The following GOLT1B variants were observed in gnomAD, a reference collection of about 807,000 sequenced individuals.
GOLT1B encodes vesicle transport protein GOT1B.
In GOLT1B, 3 loss-of-function variants were observed where a neutral mutation model predicts 15.4. That is an observed-to-expected ratio of 0.19 (90% CI 0.09 to 0.50). The LOEUF (loss-of-function observed/expected upper bound fraction) is 0.50, where lower values mean the gene tolerates loss of function less well. Ranked by LOEUF, GOLT1B falls within the 20% of genes least tolerant of loss-of-function variation. The pLI is 0.97. For missense variants in GOLT1B, 145 were observed against 160.4 expected (o/e 0.90, Z 0.52); for synonymous variants, 65 against 56.2 (o/e 1.16, Z -0.70).
chr12:21,511,715 C>T (rs1225071529), intron 3 of GOLT1B, among the ~76,000 whole-genome samples: 3 of 152,208 alleles, frequency 2.0e-5, no homozygotes, highest in Admixed American at 6.5e-5. Context: ...TTCACAGTAT[C>T]ACTACATATT....
chr12:21,504,695 A>G (rs1943667060), intron 1 of GOLT1B: 1 of 454,844 alleles, frequency 2.2e-6, no homozygotes, highest in Non-Finnish European at 4.4e-6. Flanking sequence ...GAACCATAGG[A>G]CCAGTGCTAC....
intron 4 of GOLT1B, 23 bp from the exon 5 acceptor site, chr12:21,515,644 TTC>T (rs758225228): frequency 2.5e-6 from 3 of 1,208,760 alleles, no homozygotes; most frequent in South Asian, 2.6e-5. Context: ...CTTTCTTTAA[TTC>T]TCTGTTTTTC....
chr12:21,514,914 A>G (rs1396334573), intron 4 of GOLT1B, among the ~76,000 whole-genome samples: 2 of 152,056 alleles, frequency 1.3e-5, no homozygotes, highest in African/African-American at 4.8e-5. Flanking sequence ...TTGATAGTAT[A>G]ACCACCTGGG....
At chr12:21,507,867 A>G in intron 2 of GOLT1B, 1 of 426,004 alleles carries the variant, frequency 2.3e-6, no homozygotes, top group Non-Finnish European at 4.6e-6. Context: ...TAGAATTTAT[A>G]AAACTAGAAT....
intron 4 of GOLT1B, among the ~76,000 whole-genome samples, chr12:21,512,594 T>G (rs374616136): frequency 6.6e-6 from 1 of 152,172 alleles, no homozygotes; most frequent in Non-Finnish European, 1.5e-5. Flanking sequence ...TGGATCCATA[T>G]TCTCTATTTT....
intron 1 of GOLT1B, among the ~76,000 whole-genome samples, chr12:21,505,110 C>A (rs1286450912): frequency 6.6e-6 from 1 of 152,088 alleles, no homozygotes; most frequent in African/African-American, 2.4e-5. Flanking sequence ...GTAATTATAC[C>A]TGCATTCCAG....
At position 21,506,888 on chromosome 12, in the gene GOLT1B, T is replaced by C. The variant is rs767052565; in HGVS notation, c.29T>C (p.Ile10Thr). 1.8e-5 allele frequency: 25 copies of C among 1,394,360 alleles called. No individual in the cohort carries two copies. In the Admixed American group the frequency reaches 3.9e-4, roughly 22 times the overall value. 86.4% of individuals were successfully genotyped at this position (1,394,360 alleles called of 1,614,324 possible). ...AACCATATACCTTATATTGCAGAAA[T>C]TGGAATGGGATTAACAGGATTTGGA... MISLTDTQK[I>T]GMGLTGFGVF... Residue 10 changes from isoleucine to threonine, a missense_variant, in exon 2 of 5, where the codon ATT becomes ACT. Coordinates refer to ENST00000229314, the MANE Select transcript of GOLT1B (RefSeq NM_016072.5).
chr12:21,508,586 A>G, intron 3 of GOLT1B, 25 bp downstream of exon 3: 1 of 1,144,614 alleles, frequency 8.7e-7, no homozygotes, highest in Non-Finnish European at 1.3e-6. Context: ...TGTCTCTTTC[A>G]GTAAATCAGT....
chr12:21,508,215 C>G, intron 2 of GOLT1B, 168 bp from the exon 3 acceptor site: 1 of 585,160 alleles, frequency 1.7e-6, no homozygotes, highest in Non-Finnish European at 3.0e-6. Flanking sequence ...ATAACCCACT[C>G]CTTGGTTCTG....
rs927229476 is a variant in GOLT1B, at chr12:21,501,830, C to G, written c.-94C>G. 1 of 873,350 alleles carries G rather than the reference C, an allele frequency of 1.1e-6. No homozygotes were observed. Among genetic ancestry groups the G allele is most frequent in the Non-Finnish European group, 1.9e-6 (1 of 522,208 alleles). 54.1% of individuals were successfully genotyped at this position (873,350 alleles called of 1,614,324 possible). A position where few individuals can be genotyped will look rare whatever the true frequency, so the allele number is the denominator to read the frequency against. On this transcript the variant is annotated 5_prime_UTR_variant, in exon 1 of 5. Coordinates refer to ENST00000229314, the MANE Select transcript of GOLT1B (RefSeq NM_016072.5). ...TGTTTCCGGAAGACGTGGCGGCTCT[C>G]GCCTGGGCTGTTTCCCGGCTTCATT...
rs1479849323 is a variant in GOLT1B, at chr12:21,516,320, GA to G, written c.*615del. The stretch of plus-strand genomic sequence containing the variant: ...AATCTGAACTAGATATTCTTTGTTG[GA>G]ATATGCAAAGGTCATTCTTTACTAA... On this transcript the variant is annotated 3_prime_UTR_variant, in exon 5 of 5. Coordinates refer to ENST00000229314, the MANE Select transcript of GOLT1B (RefSeq NM_016072.5). The G allele has an allele frequency of 6.6e-6, 1 of 151,964 alleles. No homozygotes were observed. Among genetic ancestry groups the G allele is most frequent in the Non-Finnish European group, 1.5e-5 (1 of 67,944 alleles). The allele number at this position is 151,964 out of a possible 1,614,324, so 9.4% of individuals were successfully genotyped here.
rs1427893001 is a variant in GOLT1B, at chr12:21,515,650, G to A, written c.379-19G>A. 3 of 1,278,422 alleles carry A rather than the reference G, an allele frequency of 2.3e-6. No homozygotes were observed. Among genetic ancestry groups the A allele is most frequent in the Non-Finnish European group, 3.4e-6 (3 of 889,308 alleles). The allele number at this position is 1,278,422 out of a possible 1,614,324, so 79.2% of individuals were successfully genotyped here. A position where few individuals can be genotyped will look rare whatever the true frequency, so the allele number is the denominator to read the frequency against. On this transcript the variant is annotated intron_variant, in intron 4 of 4. Coordinates refer to ENST00000229314, the MANE Select transcript of GOLT1B (RefSeq NM_016072.5). ...TGTTCCGGGCTTTCTTTAATTCTCT[G>A]TTTTTCTTCTCCTTACAGTTTGTAG...
At position 21,501,878 on chromosome 12, in the gene GOLT1B, C is replaced by G. The variant is rs376078240; in HGVS notation, c.-46C>G. The G allele has an allele frequency of 3.4e-6, 5 of 1,454,780 alleles. No individual in the cohort carries two copies. The African/African-American group carries it at 4.1e-5, about 12-fold the overall frequency. 90.1% of individuals were successfully genotyped at this position (1,454,780 alleles called of 1,614,324 possible). ...ATTTCTCCCGACTCAGCTTCCCACC[C>G]TGGGCTTTCCGAGGTGCTGTCGCCG... On this transcript the variant is annotated 5_prime_UTR_variant, in exon 1 of 5. Transcript: ENST00000229314.
intron 3 of GOLT1B, among the ~76,000 whole-genome samples, chr12:21,510,794 CTTTAT>C (rs1943714048): frequency 1.3e-5 from 2 of 152,124 alleles, no homozygotes; most frequent in African/African-American, 4.8e-5. Context: ...CTGTTTAATT[CTTTAT>C]TTTGACTTCT....
At position 21,517,789 on chromosome 12, in the gene GOLT1B, C is replaced by T. The variant is rs1023107230; in HGVS notation, c.*2082C>T. The T allele has an allele frequency of 6.6e-6, 1 of 152,482 alleles. No individual in the cohort carries two copies. The highest frequency in any genetic ancestry group is 1.9e-4 in the East Asian group (1 of 5,194). 9.4% of individuals were successfully genotyped at this position (152,482 alleles called of 1,614,324 possible). A position where few individuals can be genotyped will look rare whatever the true frequency, so the allele number is the denominator to read the frequency against. ...CAAATGTGAGTTTGGGACTGCCTGGCAACATTTATATTTCTTATTCAGAAC... is the reference window on the plus strand; with the variant it reads ...CAAATGTGAGTTTGGGACTGCCTGGTAACATTTATATTTCTTATTCAGAAC... On this transcript the variant is annotated 3_prime_UTR_variant, in exon 5 of 5. Coordinates refer to ENST00000229314, the MANE Select transcript of GOLT1B (RefSeq NM_016072.5).
At position 21,516,729 on chromosome 12, in the gene GOLT1B, T is replaced by A. The variant is rs1163183827; in HGVS notation, c.*1022T>A. 2 of 152,114 alleles carry A rather than the reference T, an allele frequency of 1.3e-5. No homozygotes were observed. Among genetic ancestry groups the A allele is most frequent in the African/African-American group, 4.8e-5 (2 of 41,458 alleles). 9.4% of individuals were successfully genotyped at this position (152,114 alleles called of 1,614,324 possible). ...AAACTTATGGCTATTTTTAAAGGGCTATTCATTTAATCTGAGTTTTCCCTT... is the reference window on the plus strand; with the variant it reads ...AAACTTATGGCTATTTTTAAAGGGCAATTCATTTAATCTGAGTTTTCCCTT... On this transcript the variant is annotated 3_prime_UTR_variant, in exon 5 of 5. Transcript: ENST00000229314.
chr12:21,515,730 AT>A lies in GOLT1B; in HGVS notation c.*26del. On this transcript the variant is annotated 3_prime_UTR_variant, in exon 5 of 5. Transcript: ENST00000229314. The stretch of plus-strand genomic sequence containing the variant: ...TAACAACAAGTGAATTTGAAGACTC[AT>A]TTAAAATATTGTGTTATTTATAAAG... 1 of 1,016,326 alleles carries A rather than the reference AT, an allele frequency of 9.8e-7. No individual in the cohort carries two copies. Among genetic ancestry groups the A allele is most frequent in the Non-Finnish European group, 1.5e-6 (1 of 655,248 alleles). The allele number at this position is 1,016,326 out of a possible 1,614,324, so 63.0% of individuals were successfully genotyped here.
Position 21,508,472 on chromosome 12 carries a change from T to A in GOLT1B, c.207T>A (p.Gly69=), listed in dbSNP as rs1943694842. Residue 69 remains glycine, a synonymous_variant, in exon 3 of 5, where the codon GGT becomes GGA. Coordinates refer to ENST00000229314, the MANE Select transcript of GOLT1B (RefSeq NM_016072.5). ...FFQKHKMKAT[G]FFLGGVFVVL... ...AAAAACATAAAATGAAAGCTACAGG[T>A]TTTTTTCTGGGTGGTGTATTTGTAG... 3.8e-6 allele frequency: 6 copies of A among 1,587,988 alleles called. No individual in the cohort carries two copies. Among genetic ancestry groups the A allele is most frequent in the Non-Finnish European group, 5.2e-6 (6 of 1,157,134 alleles).
intron 3 of GOLT1B, 133 bp from the exon 4 acceptor site, chr12:21,512,162 G>A (rs1943724639): frequency 3.3e-6 from 2 of 604,836 alleles, no homozygotes; most frequent in Non-Finnish European, 5.9e-6. Flanking sequence ...AATTAAGTTT[G>A]TAGTTATTTC....
Sources: allele counts gnomAD v4.1 joint callset (sites outside exome capture counted in the v4.1 genomes callset), GRCh38; gene constraint gnomAD v4.1.1; transcripts MANE v1.5; gene names NCBI Gene and HGNC (gene_info 2026-07-23, HGNC 2026-07-21).